Variants in BARX2 observed in about 807,000 individuals in gnomAD.
BARX2 encodes BARX homeobox 2, also known as homeobox protein BarH-like 2.
Under a neutral mutation model 25.5 loss-of-function variants are expected in BARX2, and 11 were observed. That is an observed-to-expected ratio of 0.43 (90% CI 0.27 to 0.71). The LOEUF is 0.71. Among genes scored for constraint, BARX2 ranks in the 30% least tolerant of loss-of-function variants. The probability of loss-of-function intolerance (pLI) is 0.19; values close to 1 mark genes in which losing one functional copy is unlikely to be tolerated. For synonymous variants in BARX2, 137 were observed against 149.5 expected, an observed-to-expected ratio of 0.92 and a Z score of 0.61; for missense variants, 360 against 359.9, an observed-to-expected ratio of 1.00 and a Z score of 0.00.
chr11:129,380,305 G>A (rs921537662), intron 1 of BARX2, among the ~76,000 whole-genome samples: 6 of 152,128 alleles, frequency 3.9e-5, no homozygotes, highest in Non-Finnish European at 8.8e-5. Flanking sequence ...GTGGATCCAA[G>A]AGAAGCAAGT....
intron 1 of BARX2, among the ~76,000 whole-genome samples, chr11:129,401,536 C>T (rs113179134): frequency 1.3e-5 from 2 of 152,232 alleles, no homozygotes; most frequent in African/African-American, 4.8e-5. Flanking sequence ...GATATGTAGA[C>T]ACAAGATCAG....
chr11:129,394,935 A>AT (rs33959182), intron 1 of BARX2, among the ~76,000 whole-genome samples: 107,581 of 144,816 alleles, frequency 0.74, 42,055 homozygotes, highest in Middle Eastern at 0.88. Flanking sequence ...TCCACTCAGC[A>AT]TTTTTTTTTT....
intron 1 of BARX2, among the ~76,000 whole-genome samples, chr11:129,428,072 C>G (rs1862086653): frequency 6.6e-6 from 1 of 152,214 alleles, no homozygotes; most frequent in South Asian, 2.1e-4. Context: ...ATGTGATCTC[C>G]ATCCCAGAGG....
Position 129,382,840 on chromosome 11 carries a change from A to G in BARX2, c.187+6618A>G, listed in dbSNP as rs1434365493. 3.9e-5 allele frequency among the ~76,000 whole-genome samples: 6 copies of G among 152,210 alleles called. No individual in the cohort carries two copies. The South Asian group carries it at 6.2e-4, about 16-fold the overall frequency. On this transcript the variant is annotated intron_variant, in intron 1 of 3. Transcript: ENST00000281437. ...GTGCTCAAAGGATGGGCAAAAGACC[A>G]CTGTGCTGCAGGTGGCACCCTCTCT...
At chr11:129,377,188 G>T (rs1861513036) in intron 1 of BARX2, among the ~76,000 whole-genome samples, 1 of 152,192 alleles carries the variant, frequency 6.6e-6, no homozygotes, top group Non-Finnish European at 1.5e-5. Context: ...GAGATTGTTA[G>T]TTGCATGAGA....
intron 1 of BARX2, among the ~76,000 whole-genome samples, chr11:129,410,680 T>C (rs2135397969): frequency 6.6e-6 from 1 of 152,282 alleles, no homozygotes; most frequent in Admixed American, 6.5e-5. Context: ...CCAGAGCCAG[T>C]AGGTCATTTA....
intron 1 of BARX2, among the ~76,000 whole-genome samples, chr11:129,412,589 T>C (rs1160915036): frequency 5.3e-5 from 8 of 152,232 alleles, no homozygotes; most frequent in African/African-American, 1.9e-4. Flanking sequence ...TTTAATTATA[T>C]GCAAATTAAG....
intron 1 of BARX2, among the ~76,000 whole-genome samples, chr11:129,403,804 T>G (rs1476762998): frequency 1.3e-5 from 2 of 152,194 alleles, no homozygotes; most frequent in East Asian, 3.9e-4. Flanking sequence ...TACTGCAGTC[T>G]TGAACTCCTG....
At chr11:129,385,886 T>C (rs554691303) in intron 1 of BARX2, among the ~76,000 whole-genome samples, 1 of 152,342 alleles carries the variant, frequency 6.6e-6, no homozygotes, top group Admixed American at 6.5e-5. Flanking sequence ...TTTTGATCTT[T>C]TTCTTAATAG....
intron 1 of BARX2, among the ~76,000 whole-genome samples, chr11:129,424,242 G>C (rs1862039859): frequency 6.6e-6 from 1 of 152,190 alleles, no homozygotes. Flanking sequence ...ATTCATCTCA[G>C]AGCCCTTCTG....
Position 129,449,884 on chromosome 11 carries a change from C to T in BARX2, c.574-1252C>T, listed in dbSNP as rs374313233. ...CAGTAGAGGCTGCTCCTAGGGCACA[C>T]GGCAGAGGGCATTTAACCTAGACCT... is the stretch of plus-strand genomic sequence containing the variant. On this transcript the variant is annotated intron_variant, in intron 3 of 3. Transcript: ENST00000281437. Among the ~76,000 whole-genome samples, 90 of 152,168 alleles carry T rather than the reference C, an allele frequency of 5.9e-4. 1 individual carries two copies. The highest frequency in any genetic ancestry group is 2.0e-3 in the African/African-American group (82 of 41,504).
At chr11:129,375,438 C>G (rs1291862153), upstream of BARX2, among the ~76,000 whole-genome samples, 1 of 152,156 alleles carries the variant, frequency 6.6e-6, no homozygotes, top group Non-Finnish European at 1.5e-5. This position sits in a 1 kb window ranked among gnomAD's most constrained non-coding sequence, Gnocchi z 4.0. Flanking sequence ...CACTGGGAGC[C>G]GGGCCGGCGG....
chr11:129,387,612 A>G (rs1005844462), intron 1 of BARX2, among the ~76,000 whole-genome samples: 6 of 152,212 alleles, frequency 3.9e-5, no homozygotes, highest in African/African-American at 1.4e-4. Flanking sequence ...ATATCATGGT[A>G]ACTCATTAAT....
rs546442253 is a variant in BARX2 at position 129,384,149 on chromosome 11, C to A, written c.187+7927C>A. Reference sequence around the variant, plus strand: ...GGCCTCCCAAAGTGCTGGAAGCCACCGCACCCGGCCAGATGAGTATTTTCA... The same window carrying A: ...GGCCTCCCAAAGTGCTGGAAGCCACAGCACCCGGCCAGATGAGTATTTTCA... On this transcript the variant is annotated intron_variant, in intron 1 of 3. Transcript: ENST00000281437. Among the ~76,000 whole-genome samples the A allele has an allele frequency of 1.4e-4, 22 of 152,102 alleles. No individual in the cohort carries two copies. In the South Asian group the frequency reaches 4.6e-3, roughly 32 times the overall value.
At chr11:129,423,117 AT>A (rs397729545) in intron 1 of BARX2, among the ~76,000 whole-genome samples, 3 of 145,408 alleles carry the variant, frequency 2.1e-5, no homozygotes, top group Non-Finnish European at 3.0e-5. Context: ...ATCAGATTGG[AT>A]TTTTTTTTTT....
chr11:129,381,529 C>T (rs989130343), intron 1 of BARX2, among the ~76,000 whole-genome samples: 15 of 152,130 alleles, frequency 9.9e-5, no homozygotes, highest in Admixed American at 4.6e-4. Context: ...TTATCACCAG[C>T]AAAACTGTCA....
chr11:129,397,258 G>A (rs1179556832), intron 1 of BARX2, among the ~76,000 whole-genome samples: 1 of 150,604 alleles, frequency 6.6e-6, no homozygotes, highest in African/African-American at 2.5e-5. Flanking sequence ...CACTCAGCTT[G>A]GGTGGACAGA....
intron 1 of BARX2, among the ~76,000 whole-genome samples, chr11:129,404,001 G>T (rs1861804017): frequency 6.6e-6 from 1 of 152,188 alleles, no homozygotes; most frequent in African/African-American, 2.4e-5. Context: ...ACCAGAACAA[G>T]GGTTTGGAGT....
intron 1 of BARX2, among the ~76,000 whole-genome samples, chr11:129,415,104 C>T (rs1861930884): frequency 6.6e-6 from 1 of 151,790 alleles, no homozygotes; most frequent in South Asian, 2.1e-4. Context: ...TCTCCTTTCC[C>T]CCCATTATAA....
Sources: allele counts gnomAD v4.1 joint callset (sites outside exome capture counted in the v4.1 genomes callset), GRCh38; gene constraint gnomAD v4.1.1; non-coding constraint Gnocchi (gnomAD v3.1); transcripts MANE v1.5; gene names NCBI Gene and HGNC (gene_info 2026-07-23, HGNC 2026-07-21).